Variants in LRRK2 observed in about 807,000 individuals in gnomAD.
LRRK2 encodes leucine rich repeat kinase 2.
A neutral mutation model predicts 302.6 loss-of-function variants in LRRK2; 203 were observed. The ratio of observed to expected loss-of-function variants is 0.67; its 90% CI spans 0.60 to 0.75. LRRK2 has a LOEUF of 0.75. LRRK2 is among the 30% of genes least tolerant of loss of function. LRRK2 has a pLI of 0.00. For missense variants in LRRK2, 2,830 were observed against 2,951.0 expected (o/e 0.96, Z 0.95); for synonymous variants, 1,066 against 1,031.9 (o/e 1.03, Z -0.63).
rs571957165 is a variant in LRRK2, at chr12:40,312,290, A to G, written c.4536+1641A>G. Among the ~76,000 whole-genome samples, 6 of 152,278 alleles carry G rather than the reference A, an allele frequency of 3.9e-5. No individual in the cohort carries two copies. In the East Asian group the frequency reaches 1.2e-3, roughly 29 times the overall value. On this transcript the variant is annotated intron_variant, in intron 31 of 50. Transcript: ENST00000298910. ...AACAAATGCTTTGAGAAATACCAGT[A>G]TTATTGAAAGAAAAGTATATATTGC... is the stretch of plus-strand genomic sequence containing the variant.
At chr12:40,355,677 G>C (rs1381750930) in intron 45 of LRRK2, among the ~76,000 whole-genome samples, 1 of 151,786 alleles carries the variant, frequency 6.6e-6, no homozygotes, top group African/African-American at 2.4e-5. Flanking sequence ...TGAGTAGCTG[G>C]GATTACAGGC....
At chr12:40,295,228 C>A (rs766923077) in intron 22 of LRRK2, among the ~76,000 whole-genome samples, 199 bp from the exon 23 acceptor site, 1 of 151,234 alleles carries the variant, frequency 6.6e-6, no homozygotes, top group Non-Finnish European at 1.5e-5. Flanking sequence ...TTTTTCACAC[C>A]ACTTACACCA....
intron 14 of LRRK2, among the ~76,000 whole-genome samples, chr12:40,268,218 G>A (rs549216407): frequency 1.3e-5 from 2 of 152,240 alleles, no homozygotes; most frequent in African/African-American, 2.4e-5. Context: ...CATTTTGGCC[G>A]CATCTGTGTT....
At chr12:40,318,207 A>G (rs1321306018) in intron 33 of LRRK2, among the ~76,000 whole-genome samples, 2 of 152,062 alleles carry the variant, frequency 1.3e-5, no homozygotes, top group Admixed American at 1.3e-4. Flanking sequence ...CAGAGCAACC[A>G]CAAACCTAGC....
rs371316424 is a variant in LRRK2, at chr12:40,283,944, G to T, written c.2311G>T (p.Val771Leu). The change falls in exon 19 of 51, where the codon GTA (valine) becomes TTA (leucine). Residue 771 changes from valine (V) to leucine (L), a missense_variant. Physicochemically the swap from Val to Leu is conservative, Grantham distance 32 (BLOSUM62 1). Coordinates refer to ENST00000298910, the MANE Select transcript of LRRK2 (RefSeq NM_198578.4). ...GAATAGTGGATCTCGTGAACAAGAT[G>T]TACGAAAAGCGTTGACGATAAGCAT... is the stretch of plus-strand genomic sequence containing the variant. The part of the protein sequence containing the change: ...LLNSGSREQD[V>L]RKALTISIGK... The T allele has an allele frequency of 2.4e-5, 38 of 1,613,852 alleles. No individual in the cohort carries two copies. The South Asian group carries it at 4.0e-4, about 17-fold the overall frequency.
At chr12:40,273,879 G>A (rs1161683972) in intron 14 of LRRK2, among the ~76,000 whole-genome samples, 1 of 152,124 alleles carries the variant, frequency 6.6e-6, no homozygotes, top group Non-Finnish European at 1.5e-5. Context: ...GGACAAAGAA[G>A]TGACCTCTAG....
intron 20 of LRRK2, 130 bp from the exon 21 acceptor site, chr12:40,293,415 G>A: frequency 3.2e-6 from 2 of 634,526 alleles, no homozygotes; most frequent in Non-Finnish European, 5.7e-6. Context: ...TTTACAAAGG[G>A]AATGGACTGT....
chr12:40,226,358 G>A (rs1038299818), intron 2 of LRRK2, among the ~76,000 whole-genome samples: 4 of 152,242 alleles, frequency 2.6e-5, no homozygotes, highest in African/African-American at 9.6e-5. Context: ...AACTTCCTTC[G>A]GAGCACTTAG....
At position 40,274,620 on chromosome 12, in the gene LRRK2, A is replaced by T; in HGVS notation, c.1694A>T (p.Lys565Ile). ...CCTGGGATTCAGAAATGTGGATTAA[A>T]AGTAATTTCTTCTATTGTACATTTT... ...GNPGIQKCGL[K>I]VISSIVHFPD... The change falls in exon 15 of 51, where the codon AAA becomes ATA. Residue 565 changes from lysine to isoleucine, a missense_variant. Lys to Ile is a moderately radical substitution (Grantham distance 102). Transcript: ENST00000298910. The T allele has an allele frequency of 6.2e-7, 1 of 1,613,938 alleles. No homozygotes were observed. Among genetic ancestry groups the T allele is most frequent in the East Asian group, 2.2e-5 (1 of 44,846 alleles).
In LRRK2 at chr12:40,315,216, CCTT is replaced by C; in HGVS notation, c.4748_4750del (p.Leu1583del). On this transcript the variant is annotated inframe_deletion, in exon 33 of 51. Transcript: ENST00000298910. ...TTTGATGACTTTTTACTACAGGAGT[CCTT>C]CTTCATTTTCAAGACCCAGCACTGC... 2 of 1,611,384 alleles carry C rather than the reference CCTT, an allele frequency of 1.2e-6. No individual in the cohort carries two copies. The highest frequency in any genetic ancestry group is 1.7e-6 in the Non-Finnish European group (2 of 1,177,880).
chr12:40,346,971 C>A (rs1221963863), intron 42 of LRRK2, 48 bp downstream of exon 42: 2 of 1,479,956 alleles, frequency 1.4e-6, no homozygotes, highest in Non-Finnish European at 1.9e-6. Context: ...TTAATATCAG[C>A]AGCTTCATTT....
At chr12:40,312,303 A>G (rs1945061416) in intron 31 of LRRK2, among the ~76,000 whole-genome samples, 1 of 152,158 alleles carries the variant, frequency 6.6e-6, no homozygotes, top group Admixed American at 6.6e-5. Context: ...ATTGAAAGAA[A>G]AGTATATATT....
intron 38 of LRRK2, among the ~76,000 whole-genome samples, chr12:40,325,830 G>C (rs1945530656): frequency 6.6e-6 from 1 of 152,078 alleles, no homozygotes; most frequent in Non-Finnish European, 1.5e-5. Context: ...TGAGTAATAC[G>C]ACCCACCTTA....
chr12:40,236,545 G>A (rs947235828), intron 4 of LRRK2, among the ~76,000 whole-genome samples: 1 of 152,162 alleles, frequency 6.6e-6, no homozygotes, highest in Admixed American at 6.5e-5. Context: ...CGCTCACAGG[G>A]AGCTAATCTT....
rs149855377 is a variant in LRRK2 at position 40,331,034 on chromosome 12, G to A, written c.5757+2574G>A. ...TAGGTGTTTCTGTTCATGTCAATTAGAATTTTTTTTTGTATTACTTGCATT... is the reference window on the plus strand; with the variant it reads ...TAGGTGTTTCTGTTCATGTCAATTAAAATTTTTTTTTGTATTACTTGCATT... On this transcript the variant is annotated intron_variant, in intron 39 of 50. Transcript: ENST00000298910. 1.9e-3 allele frequency among the ~76,000 whole-genome samples: 285 copies of A among 152,148 alleles called. 2 individuals carry two copies. Among genetic ancestry groups the A allele is most frequent in the African/African-American group, 6.2e-3 (258 of 41,512 alleles).
At chr12:40,352,752 A>G (rs1468676915) in intron 44 of LRRK2, among the ~76,000 whole-genome samples, 2 of 151,464 alleles carry the variant, frequency 1.3e-5, no homozygotes, top group African/African-American at 2.4e-5. Context: ...GACACAGCAC[A>G]TGTTTCAGAG....
At position 40,310,610 on chromosome 12, in the gene LRRK2, A is replaced by G; in HGVS notation, c.4497A>G (p.Lys1499=). The G allele has an allele frequency of 1.9e-6, 3 of 1,612,736 alleles. No individual in the cohort carries two copies. Among genetic ancestry groups the G allele is most frequent in the Non-Finnish European group, 2.5e-6 (3 of 1,179,686 alleles). The change falls in exon 31 of 51, where the codon AAA becomes AAG. Residue 1499 remains lysine (K), a synonymous_variant. Coordinates refer to ENST00000298910, the MANE Select transcript of LRRK2 (RefSeq NM_198578.4). ...CCGAGGAATCTGATGCTTTGGCAAA[A>G]CTTCGGAAAACCATCATAAACGAGA... is the stretch of plus-strand genomic sequence containing the variant. The part of the protein sequence containing the change: ...NATEESDALA[K]LRKTIINESL...
chr12:40,243,772 C>T, intron 7 of LRRK2, 91 bp downstream of exon 7: 2 of 1,168,880 alleles, frequency 1.7e-6, no homozygotes, highest in South Asian at 2.6e-5. Context: ...GGATAAGTAG[C>T]ATATTGACAT....
In LRRK2 at chr12:40,278,168, G is replaced by T. The variant is rs200459681; in HGVS notation, c.2148G>T (p.Ala716=). 1.9e-6 allele frequency: 3 copies of T among 1,614,092 alleles called. No individual in the cohort carries two copies. Among genetic ancestry groups the T allele is most frequent in the South Asian group, 1.1e-5 (1 of 91,084 alleles). Residue 716 remains alanine, a synonymous_variant, in exon 18 of 51, where the codon GCG becomes GCT. Transcript: ENST00000298910. ...TAAAAAATGTGATGCTAGAGAGAGC[G>T]TGTGATCAGAATAACAGCATCATGG... ...DYLKNVMLER[A]CDQNNSIMVE...
Sources: allele counts gnomAD v4.1 joint callset (sites outside exome capture counted in the v4.1 genomes callset), GRCh38; gene constraint gnomAD v4.1.1; transcripts MANE v1.5; gene names NCBI Gene and HGNC (gene_info 2026-07-23, HGNC 2026-07-21).